Variants in ZBTB16 observed in about 807,000 individuals in gnomAD.
ZBTB16 encodes zinc finger and BTB domain containing 16.
ZBTB16 carries 8 observed loss-of-function variants against 56.8 expected under a neutral mutation model. The observed-to-expected ratio is 0.14, with a 90% CI of 0.08 to 0.25. ZBTB16 has a LOEUF of 0.25. Among genes scored for constraint, ZBTB16 ranks in the 10% least tolerant of loss-of-function variants. The pLI is 1.00. For missense variants in ZBTB16, 625 were observed against 903.0 expected (o/e 0.69, Z 3.95); for synonymous variants, 363 against 368.5 (o/e 0.98, Z 0.17).
At chr11:114,219,399 G>T (rs976334107) in intron 4 of ZBTB16, among the ~76,000 whole-genome samples, 1 of 152,198 alleles carries the variant, frequency 6.6e-6, no homozygotes, top group African/African-American at 2.4e-5. Context: ...AGTGTGTGAT[G>T]CTGGATTAGG....
chr11:114,072,673 C>CT (rs1812457912), intron 2 of ZBTB16, among the ~76,000 whole-genome samples: 1 of 152,166 alleles, frequency 6.6e-6, no homozygotes, highest in Non-Finnish European at 1.5e-5. Flanking sequence ...TGTAAGACCT[C>CT]TAGCTGTCCT....
rs1944936289 is a variant in ZBTB16 at position 114,252,630 on chromosome 11, A to T, written c.*2075A>T. 1.3e-5 allele frequency among the ~76,000 whole-genome samples: 2 copies of T among 151,934 alleles called. No individual in the cohort carries two copies. The highest frequency in any genetic ancestry group is 2.9e-5 in the Non-Finnish European group (2 of 67,956). On this transcript the variant is annotated 3_prime_UTR_variant, in exon 7 of 7. Transcript: ENST00000335953. The stretch of plus-strand genomic sequence containing the variant: ...CATGCTTTATGTGTAAGAGTTTTTT[A>T]TTATTATTTTTTCTTTCCTTTCTCT...
rs187937742 is a variant in ZBTB16, at chr11:114,255,842, T to C, written c.*5287T>C. On this transcript the variant is annotated 3_prime_UTR_variant, in exon 7 of 7. Coordinates refer to ENST00000335953, the MANE Select transcript of ZBTB16 (RefSeq NM_006006.6). ...AGCAAAGAGAATATTTTTTACATCC[T>C]ACTAACAGTAGATTTTTTTGTAGTG... Among the ~76,000 whole-genome samples, 16 of 152,284 alleles carry C rather than the reference T, an allele frequency of 1.1e-4. No homozygotes were observed. In the East Asian group the frequency reaches 3.1e-3, roughly 29 times the overall value.
At chr11:114,128,538 G>A (rs1249058632) in intron 2 of ZBTB16, among the ~76,000 whole-genome samples, 2 of 152,136 alleles carry the variant, frequency 1.3e-5, no homozygotes, top group African/African-American at 2.4e-5. Context: ...TAAAAACTGC[G>A]ACTAGCTCCT....
rs1308355094 is a variant in ZBTB16 at position 114,059,876 on chromosome 11, G to C, written c.-97G>C. 2 of 397,662 alleles carry C rather than the reference G, an allele frequency of 5.0e-6. No individual in the cohort carries two copies. Among genetic ancestry groups the C allele is most frequent in the South Asian group, 1.3e-4 (1 of 7,822 alleles). The allele number at this position is 397,662 out of a possible 1,614,324, so 24.6% of individuals were successfully genotyped here. On this transcript the variant is annotated 5_prime_UTR_variant, in exon 1 of 7. Transcript: ENST00000335953. This position sits in a 1 kb window ranked among gnomAD's most constrained non-coding sequence, Gnocchi z 5.3. ...ACACCCACCCCACAGTGCCCGGCTC[G>C]GCTGCGGTGAGTGAGGGGCCGGGAA...
chr11:114,124,906 C>G (rs11214873), intron 2 of ZBTB16, among the ~76,000 whole-genome samples: 3 of 152,132 alleles, frequency 2.0e-5, no homozygotes, highest in African/African-American at 7.2e-5. Context: ...GTCTCTTGAC[C>G]TCAGGAAGCT....
intron 2 of ZBTB16, among the ~76,000 whole-genome samples, chr11:114,125,479 TCTAAC>T (rs1439793119): frequency 6.6e-6 from 1 of 152,150 alleles, no homozygotes; most frequent in Non-Finnish European, 1.5e-5. Flanking sequence ...CCCAAGGTTA[TCTAAC>T]TATCCGACAA....
chr11:114,091,481 C>G (rs980705053), intron 2 of ZBTB16, among the ~76,000 whole-genome samples: 3 of 151,974 alleles, frequency 2.0e-5, no homozygotes, highest in African/African-American at 4.8e-5. Context: ...CGGTGGTCAC[C>G]GTAGACGTCC....
chr11:114,100,888 G>A (rs1940582672), intron 2 of ZBTB16, among the ~76,000 whole-genome samples: 1 of 152,000 alleles, frequency 6.6e-6, no homozygotes, highest in Non-Finnish European at 1.5e-5. Context: ...AATCTAGACA[G>A]CCCCTAGTAT....
At chr11:114,108,203 C>A (rs1032337013) in intron 2 of ZBTB16, among the ~76,000 whole-genome samples, 4 of 152,064 alleles carry the variant, frequency 2.6e-5, no homozygotes, top group African/African-American at 9.7e-5. Flanking sequence ...AGCTCTGAGA[C>A]CCCAGGCCCG....
chr11:114,195,423 G>A lies in ZBTB16; in HGVS notation c.1453+8385G>A, dbSNP rs569183611. Reference sequence around the variant, plus strand: ...GGCCAGAGAGACTGAGGGAGTCAGGGAGCAGGAAAGGGGGATGGGCAAATG... The same window carrying A: ...GGCCAGAGAGACTGAGGGAGTCAGGAAGCAGGAAAGGGGGATGGGCAAATG... On this transcript the variant is annotated intron_variant, in intron 4 of 6. Coordinates refer to ENST00000335953, the MANE Select transcript of ZBTB16 (RefSeq NM_006006.6). Among the ~76,000 whole-genome samples, 8 of 152,272 alleles carry A rather than the reference G, an allele frequency of 5.3e-5. No individual in the cohort carries two copies. The East Asian group carries it at 1.4e-3, about 26-fold the overall frequency.
chr11:114,166,276 G>T (rs1942755784), intron 3 of ZBTB16, among the ~76,000 whole-genome samples: 2 of 151,390 alleles, frequency 1.3e-5, no homozygotes, highest in Admixed American at 1.3e-4. Context: ...GCCTGGAGGT[G>T]ATGGAAGGTG....
At chr11:114,195,421 G>A (rs892608230) in intron 4 of ZBTB16, among the ~76,000 whole-genome samples, 8 of 152,160 alleles carry the variant, frequency 5.3e-5, no homozygotes, top group African/African-American at 1.9e-4. Flanking sequence ...GAGGGAGTCA[G>A]GGAGCAGGAA....
Position 114,218,939 on chromosome 11 carries a change from G to A in ZBTB16, c.1454-23228G>A, listed in dbSNP as rs576510542. Among the ~76,000 whole-genome samples the A allele has an allele frequency of 2.6e-5, 4 of 152,276 alleles. No individual in the cohort carries two copies. In the East Asian group the frequency reaches 7.7e-4, roughly 29 times the overall value. ...TGCCATAAACCTCACCCAGCTAATCGTCCGCTTGAGTTTTTTCCTGTCTCT... is the reference window on the plus strand; with the variant it reads ...TGCCATAAACCTCACCCAGCTAATCATCCGCTTGAGTTTTTTCCTGTCTCT... On this transcript the variant is annotated intron_variant, in intron 4 of 6. Transcript: ENST00000335953.
intron 4 of ZBTB16, among the ~76,000 whole-genome samples, chr11:114,213,802 C>T (rs1205845136): frequency 6.6e-6 from 1 of 152,112 alleles, no homozygotes; most frequent in East Asian, 1.9e-4. Context: ...TGTTGTTATC[C>T]TGGTTTTAGA....
intron 2 of ZBTB16, among the ~76,000 whole-genome samples, chr11:114,138,780 T>G (rs1343856762): frequency 2.0e-5 from 3 of 152,138 alleles, no homozygotes; most frequent in Non-Finnish European, 2.9e-5. Flanking sequence ...AACCTCTGTC[T>G]CCCGAGTTCA....
chr11:114,084,496 G>A (rs1258254636), intron 2 of ZBTB16, among the ~76,000 whole-genome samples: 1 of 150,740 alleles, frequency 6.6e-6, no homozygotes, highest in African/African-American at 2.4e-5. Context: ...ATTATTTAGA[G>A]GGATAAGAGC....
At chr11:114,133,518 G>A (rs1046088696) in intron 2 of ZBTB16, among the ~76,000 whole-genome samples, 1 of 152,152 alleles carries the variant, frequency 6.6e-6, no homozygotes, top group Non-Finnish European at 1.5e-5. Context: ...GCCCCTGAGG[G>A]GCTTTTAAAT....
intron 2 of ZBTB16, among the ~76,000 whole-genome samples, chr11:114,073,719 G>T (rs2137678386): frequency 6.6e-6 from 1 of 152,322 alleles, no homozygotes; most frequent in South Asian, 2.1e-4. Context: ...AGACACTGGG[G>T]TGTTACTGAG....
Sources: allele counts gnomAD v4.1 joint callset (sites outside exome capture counted in the v4.1 genomes callset), GRCh38; gene constraint gnomAD v4.1.1; non-coding constraint Gnocchi (gnomAD v3.1); transcripts MANE v1.5; gene names NCBI Gene and HGNC (gene_info 2026-07-23, HGNC 2026-07-21).